Variants in RASIP1 observed in about 807,000 individuals in gnomAD.
RASIP1 encodes Ras interacting protein 1.
A neutral mutation model predicts 85.3 loss-of-function variants in RASIP1; 20 were observed. The ratio of observed to expected loss-of-function variants is 0.23; its 90% CI spans 0.17 to 0.34. The LOEUF (loss-of-function observed/expected upper bound fraction) is 0.34. Among genes scored for constraint, RASIP1 ranks in the 10% least tolerant of loss-of-function variants. The pLI, the probability that RASIP1 is intolerant of heterozygous loss-of-function variation, is 1.00. For synonymous variants in RASIP1, 617 were observed against 647.1 expected, an observed-to-expected ratio of 0.95 and a Z score of 0.71; for missense variants, 1,170 against 1,390.9, an observed-to-expected ratio of 0.84 and a Z score of 2.53.
intron 4 of RASIP1, among the ~76,000 whole-genome samples, chr19:48,732,708 T>C (rs759559831): frequency 5.9e-5 from 9 of 152,138 alleles, no homozygotes; most frequent in South Asian, 2.1e-4. Flanking sequence ...TGTTATAATA[T>C]ATGCAATCCT....
Position 48,735,396 on chromosome 19 carries a change from C to G in RASIP1, c.979G>C (p.Val327Leu). Reference protein sequence around the residue: ...RSENLSLRRSVSELSLQGRRR... With the variant: ...RSENLSLRRSLSELSLQGRRR... ...CGCCCCTGAAGGCTAAGCTCCGACACGCTGCGCCGCAAAGACAAGTTTTCT... is the reference window on the plus strand; with the variant it reads ...CGCCCCTGAAGGCTAAGCTCCGACAGGCTGCGCCGCAAAGACAAGTTTTCT... The change falls in exon 4 of 12, where the codon GTG (valine) becomes CTG (leucine). Residue 327 changes from valine to leucine, a missense_variant. Physicochemically the swap from Val to Leu is conservative, Grantham distance 32 (BLOSUM62 1). Coordinates refer to ENST00000222145, the MANE Select transcript of RASIP1 (RefSeq NM_017805.3). 1 of 1,612,982 alleles carries G rather than the reference C, an allele frequency of 6.2e-7. No homozygotes were observed. The highest frequency in any genetic ancestry group is 8.5e-7 in the Non-Finnish European group (1 of 1,179,774).
rs777092955 is a variant in RASIP1, at chr19:48,724,392, C to T, written c.2489G>A (p.Arg830Gln). ...GLGDIATEFFRKLSMAVNLLC... is the reference protein window; with the variant it reads ...GLGDIATEFFQKLSMAVNLLC... ...CAGGTTCACAGCCATGGAGAGTTTC[C>T]GGAAGAACTCAGTGGCAATGTCGCC... The change falls in exon 10 of 12, where the codon CGG (arginine) becomes CAG (glutamine). Residue 830 changes from arginine (R) to glutamine (Q), a missense_variant. By Grantham distance (43) the Arg-to-Gln change is conservative. This residue lies in a region of RASIP1 where 426 missense variants were observed against 576.2 expected (regional missense o/e 0.74). Coordinates refer to ENST00000222145, the MANE Select transcript of RASIP1 (RefSeq NM_017805.3). This position sits in a 1 kb window ranked among gnomAD's most constrained non-coding sequence, Gnocchi z 4.6. 1 of 1,614,094 alleles carries T rather than the reference C, an allele frequency of 6.2e-7. No individual in the cohort carries two copies. The highest frequency in any genetic ancestry group is 1.7e-5 in the Admixed American group (1 of 60,000).
Position 48,740,520 on chromosome 19 carries a change from C to T in RASIP1, c.-5+1G>A. On this transcript the variant is annotated splice_donor_variant, in intron 1 of 11. Transcript: ENST00000222145. LOFTEE classifies it low-confidence loss of function (5UTR_SPLICE). The surrounding 1 kb of genome is among the most constrained non-coding windows in gnomAD (Gnocchi z 5.5). ...TGGGCTGCTGGGTCCCTGGCTCTTA[C>T]CCTGCTTCGGGTCCGGCACACCCGG... 7.2e-7 allele frequency: 1 copy of T among 1,393,830 alleles called. No individual in the cohort carries two copies. Among genetic ancestry groups the T allele is most frequent in the Non-Finnish European group, 9.2e-7 (1 of 1,081,732 alleles). The allele number at this position is 1,393,830 out of a possible 1,614,324, so 86.3% of individuals were successfully genotyped here.
At position 48,740,555 on chromosome 19, in the gene RASIP1, C is replaced by A. The variant is rs2033656636; in HGVS notation, c.-39G>T. ...GGTCCGGCACACCCGGAGGCCCTGG[C>A]TCCACTGGCCTGGGTCAGTTCCACT... is the stretch of plus-strand genomic sequence containing the variant. On this transcript the variant is annotated 5_prime_UTR_variant, in exon 1 of 12. Transcript: ENST00000222145. This position sits in a 1 kb window ranked among gnomAD's most constrained non-coding sequence, Gnocchi z 5.5. 1 of 1,384,506 alleles carries A rather than the reference C, an allele frequency of 7.2e-7. No individual in the cohort carries two copies. The highest frequency in any genetic ancestry group is 1.5e-5 in the African/African-American group (1 of 68,798). The allele number at this position is 1,384,506 out of a possible 1,614,324, so 85.8% of individuals were successfully genotyped here. A position where few individuals can be genotyped will look rare whatever the true frequency, so the allele number is the denominator to read the frequency against.
At chr19:48,728,904 G>T in intron 5 of RASIP1, 33 bp downstream of exon 5, 1 of 1,422,442 alleles carries the variant, frequency 7.0e-7, no homozygotes, top group Non-Finnish European at 9.1e-7. Context: ...TTGGGGCGCT[G>T]GTGGGGCTGG....
chr19:48,727,406 G>A lies in RASIP1; in HGVS notation c.1858C>T (p.Arg620Cys), dbSNP rs1213603850. 1.6e-5 allele frequency: 26 copies of A among 1,613,902 alleles called. No homozygotes were observed. Among genetic ancestry groups the A allele is most frequent in the Non-Finnish European group, 2.0e-5 (24 of 1,179,922 alleles). The change falls in exon 6 of 12, where the codon CGT becomes TGT. Residue 620 changes from arginine to cysteine, a missense_variant. Arg to Cys is a radical substitution (Grantham distance 180, BLOSUM62 -3). Coordinates refer to ENST00000222145, the MANE Select transcript of RASIP1 (RefSeq NM_017805.3). Reference protein sequence around the residue: ...VWEKIKEIGDRQPENHPEGVP... With the variant: ...VWEKIKEIGDCQPENHPEGVP... ...AATTTCTCTTACTTTTCTGGCTGAC[G>A]GTCTCCAATTTCCTTAATCTTTTCC... is the stretch of plus-strand genomic sequence containing the variant.
At position 48,720,810 on chromosome 19, in the gene RASIP1, G is replaced by A. The variant is rs777102040; in HGVS notation, c.2880C>T (p.Ala960=). The change falls in exon 12 of 12, where the codon GCC becomes GCT. Residue 960 remains alanine, a synonymous_variant. Coordinates refer to ENST00000222145, the MANE Select transcript of RASIP1 (RefSeq NM_017805.3). ...TTGGTATTGGTTCTCAAGGAGACGT[G>A]GCCACGGGAGGCCCATGGCGATAAT... is the stretch of plus-strand genomic sequence containing the variant. ...PANYRHGPPV[A]TSP 6 of 1,613,842 alleles carry A rather than the reference G, an allele frequency of 3.7e-6. No homozygotes were observed. The highest frequency in any genetic ancestry group is 2.2e-5 in the South Asian group (2 of 91,082).
chr19:48,732,561 C>T (rs1011611397), intron 4 of RASIP1, among the ~76,000 whole-genome samples: 2 of 151,786 alleles, frequency 1.3e-5, no homozygotes, highest in South Asian at 2.1e-4. Flanking sequence ...GCCTGTTTTC[C>T]GTTTTTTATA....
chr19:48,729,701 T>C, intron 4 of RASIP1, 111 bp from the exon 5 acceptor site: 1 of 671,164 alleles, frequency 1.5e-6, no homozygotes, highest in Non-Finnish European at 2.4e-6. Context: ...TTTTTTTTCC[T>C]TCTTCTTCTT....
Position 48,729,046 on chromosome 19 carries a change from G to C in RASIP1, c.1724C>G (p.Pro575Arg). 7.1e-7 allele frequency: 1 copy of C among 1,399,828 alleles called. No homozygotes were observed. Among genetic ancestry groups the C allele is most frequent in the South Asian group, 1.5e-5 (1 of 65,328 alleles). 86.7% of individuals were successfully genotyped at this position (1,399,828 alleles called of 1,614,324 possible). The change falls in exon 5 of 12, where the codon CCC becomes CGC. Residue 575 changes from proline to arginine, a missense_variant. Pro to Arg is a moderately radical substitution (Grantham distance 103). This residue lies in a region of RASIP1 where 426 missense variants were observed against 576.2 expected (regional missense o/e 0.74). Coordinates refer to ENST00000222145, the MANE Select transcript of RASIP1 (RefSeq NM_017805.3). ...AGSGDLPPLG[P>R]ATLLALCVQH... ...CACGCACAGCGCCAGCAGCGTGGCG[G>C]GCCCGAGGGGCGGCAGGTCTCCCGA...
chr19:48,728,513 C>T (rs1440788292), intron 5 of RASIP1, among the ~76,000 whole-genome samples: 2 of 152,186 alleles, frequency 1.3e-5, no homozygotes, highest in African/African-American at 4.8e-5. Context: ...CACCTGTAAT[C>T]CCAGCACTTT....
chr19:48,734,813 C>T (rs1309455331), intron 4 of RASIP1, among the ~76,000 whole-genome samples: 1 of 152,144 alleles, frequency 6.6e-6, no homozygotes, highest in Non-Finnish European at 1.5e-5. Context: ...CAGGATCTCA[C>T]TATGTTGTCC....
intron 8 of RASIP1, among the ~76,000 whole-genome samples, chr19:48,726,322 G>C (rs910428326): frequency 3.9e-5 from 6 of 152,198 alleles, no homozygotes; most frequent in African/African-American, 1.4e-4. Context: ...CGCCTCCCAG[G>C]TTCAAGTGAT....
intron 3 of RASIP1, among the ~76,000 whole-genome samples, chr19:48,736,297 G>C (rs2033571058): frequency 6.6e-6 from 1 of 151,928 alleles, no homozygotes. Context: ...CAGCTACTCG[G>C]GAGGCTGAGG....
intron 3 of RASIP1, among the ~76,000 whole-genome samples, chr19:48,737,016 A>G (rs1284585069): frequency 3.9e-5 from 6 of 152,228 alleles, no homozygotes; most frequent in Non-Finnish European, 7.3e-5. Flanking sequence ...AGCCTGGGCA[A>G]CAGAGCAAGA....
intron 8 of RASIP1, 89 bp downstream of exon 8, chr19:48,726,696 A>AGAAGTGATGTTACCACAAACAG: frequency 1.9e-6 from 2 of 1,066,900 alleles, no homozygotes; most frequent in Non-Finnish European, 2.8e-6. Flanking sequence ...AGTTCAAACA[A>AGAAGTGATGTTACCACAAACAG]GAAGTGATGT....
intron 3 of RASIP1, among the ~76,000 whole-genome samples, chr19:48,737,131 C>T (rs902284065): frequency 1.3e-5 from 2 of 152,180 alleles, no homozygotes; most frequent in Admixed American, 6.5e-5. Flanking sequence ...GTGGCGGAGA[C>T]AATGCTTATA....
intron 5 of RASIP1, among the ~76,000 whole-genome samples, chr19:48,727,747 C>A (rs566779842): frequency 6.9e-6 from 1 of 144,216 alleles, no homozygotes; most frequent in South Asian, 2.2e-4. Flanking sequence ...GGTGCAATGG[C>A]TCAATTTTGG....
At position 48,738,995 on chromosome 19, in the gene RASIP1, A is replaced by T; in HGVS notation, c.788T>A (p.Leu263Gln). Residue 263 changes from leucine (L) to glutamine (Q), a missense_variant, in exon 3 of 12, where the codon CTG becomes CAG. Leu to Gln is a moderately radical substitution (Grantham distance 113). Transcript: ENST00000222145. The surrounding 1 kb of genome is among the most constrained non-coding windows in gnomAD (Gnocchi z 4.0). The part of the protein sequence containing the change: ...ELRGREEARR[L>Q]EQEAFGAADS... ...CGCGGCCCCGAAGGCCTCCTGCTCC[A>T]GGCGCCGCGCCTCCTCGCGGCCGCG... The T allele has an allele frequency of 8.1e-7, 1 of 1,229,004 alleles. No individual in the cohort carries two copies. The highest frequency in any genetic ancestry group is 1.0e-6 in the Non-Finnish European group (1 of 993,122). The allele number at this position is 1,229,004 out of a possible 1,614,324, so 76.1% of individuals were successfully genotyped here. A position where few individuals can be genotyped will look rare whatever the true frequency, so the allele number is the denominator to read the frequency against.
Sources: gnomAD v4.1 joint callset for allele counts (sites outside exome capture counted in the v4.1 genomes callset) on GRCh38, gnomAD v4.1.1 for gene constraint, gnomAD v4.1.1 regional missense constraint, Gnocchi (gnomAD v3.1) non-coding constraint, MANE v1.5 for transcripts, NCBI Gene and HGNC (gene_info 2026-07-23, HGNC 2026-07-21) for gene names.